AFF3: variants seen among roughly 807,000 people sequenced by gnomAD.
AFF3 encodes ALF transcription elongation factor 3.
AFF3 carries 32 observed loss-of-function variants against 129.7 expected under a neutral mutation model. That is an observed-to-expected ratio of 0.25 (90% CI 0.19 to 0.33). AFF3 has a LOEUF of 0.33. Ranked by LOEUF, AFF3 falls within the 10% of genes least tolerant of loss-of-function variation. The probability of loss-of-function intolerance (pLI) is 1.00; values close to 1 mark genes in which losing one functional copy is unlikely to be tolerated. For missense variants in AFF3, 1,373 were observed against 1,592.0 expected, an observed-to-expected ratio of 0.86 and a Z score of 2.34; for synonymous variants, 644 against 635.4, an observed-to-expected ratio of 1.01 and a Z score of -0.20.
chr2:99,738,718 T>C (rs1680458746), intron 10 of AFF3, among the ~76,000 whole-genome samples: 1 of 152,222 alleles, frequency 6.6e-6, no homozygotes, highest in Admixed American at 6.5e-5. Context: ...GAAGAGCTGA[T>C]TTATGGCTCT....
At chr2:99,908,866 C>T (rs1348089800) in intron 7 of AFF3, among the ~76,000 whole-genome samples, 1 of 152,184 alleles carries the variant, frequency 6.6e-6, no homozygotes, top group Non-Finnish European at 1.5e-5. Flanking sequence ...AACACTTTTA[C>T]ACTGTTGGTG....
chr2:99,608,393 C>T (rs989683967), intron 13 of AFF3, among the ~76,000 whole-genome samples: 1 of 152,210 alleles, frequency 6.6e-6, no homozygotes, highest in African/African-American at 2.4e-5. Flanking sequence ...GCAGCCCTTA[C>T]CACGTTAAGG....
intron 8 of AFF3, among the ~76,000 whole-genome samples, chr2:99,835,535 C>A (rs767997185): frequency 6.8e-6 from 1 of 147,704 alleles, no homozygotes; most frequent in African/African-American, 2.5e-5. Context: ...AACACTAATG[C>A]GATCCCCTAG....
chr2:99,781,850 A>G (rs191736047), intron 8 of AFF3, among the ~76,000 whole-genome samples: 1 of 152,352 alleles, frequency 6.6e-6, no homozygotes, highest in East Asian at 1.9e-4. Flanking sequence ...CAAGTATAGC[A>G]AAATATTAGA....
intron 16 of AFF3, 122 bp from the exon 17 acceptor site, chr2:99,583,121 T>C (rs944337051): frequency 2.6e-6 from 2 of 777,612 alleles, no homozygotes; most frequent in East Asian, 5.3e-5. Context: ...TTGGGAATTA[T>C]TATACCAGGA....
intron 13 of AFF3, among the ~76,000 whole-genome samples, chr2:99,634,635 T>C (rs1411371919): frequency 1.3e-5 from 2 of 152,178 alleles, no homozygotes; most frequent in African/African-American, 4.8e-5. Context: ...TCAGCTGGAA[T>C]GAAGGGGAAA....
intron 7 of AFF3, among the ~76,000 whole-genome samples, chr2:99,980,224 T>A (rs1177621639): frequency 6.6e-6 from 1 of 152,232 alleles, no homozygotes; most frequent in Non-Finnish European, 1.5e-5. Context: ...CCCCTGCTGT[T>A]CCTCGATCTC....
chr2:99,998,553 A>G (rs1168233445), intron 7 of AFF3, among the ~76,000 whole-genome samples: 2 of 152,220 alleles, frequency 1.3e-5, no homozygotes, highest in East Asian at 1.9e-4. Flanking sequence ...AGCTGAATGC[A>G]TACATTTTTC....
At chr2:99,866,128 A>G (rs1448196466) in intron 7 of AFF3, among the ~76,000 whole-genome samples, 1 of 152,230 alleles carries the variant, frequency 6.6e-6, no homozygotes, top group African/African-American at 2.4e-5. Context: ...CTGGTTGGAA[A>G]TGGAATGCAT....
rs1559095187 is a variant in AFF3, at chr2:100,059,636, A to G, written c.53+44766T>C. Among the ~76,000 whole-genome samples the G allele has an allele frequency of 4.6e-5, 7 of 152,372 alleles. No individual in the cohort carries two copies. In the South Asian group the frequency reaches 1.4e-3, roughly 32 times the overall value. On this transcript the variant is annotated intron_variant, in intron 4 of 24. Transcript: ENST00000672756. The stretch of plus-strand genomic sequence containing the variant: ...TGGTATGTGAATTATATCTGAATAT[A>G]GCCAGCGTGGTTGTTGTTTTAAAGA...
At chr2:99,682,068 G>A (rs1674588641) in intron 11 of AFF3, among the ~76,000 whole-genome samples, 1 of 151,870 alleles carries the variant, frequency 6.6e-6, no homozygotes. Flanking sequence ...CACCACACCC[G>A]GCTCATTTTT....
rs58303232 is a variant in AFF3 at position 99,724,271 on chromosome 2, C to CTTTTTTTT, written c.1091+2798_1091+2805dup. Among the ~76,000 whole-genome samples the CTTTTTTTT allele has an allele frequency of 1.3e-3, 87 of 66,854 alleles. 8 individuals are homozygous for CTTTTTTTT. Among genetic ancestry groups the CTTTTTTTT allele is most frequent in the Non-Finnish European group, 1.7e-3 (68 of 39,764 alleles). 43.9% of individuals were successfully genotyped at this position (66,854 alleles called of 152,430 possible). ...TCCTCACTTCAGTGGAATGACCTTT[C>CTTTTTTTT]TTTTTTTTTTTTTTTTTTTGAGACA... On this transcript the variant is annotated intron_variant, in intron 11 of 24. Coordinates refer to ENST00000672756, the MANE Select transcript of AFF3 (RefSeq NM_001386135.1).
intron 9 of AFF3, among the ~76,000 whole-genome samples, chr2:99,745,291 T>C (rs182198284): frequency 1.3e-5 from 2 of 152,354 alleles, no homozygotes; most frequent in African/African-American, 4.8e-5. Context: ...ACATTTATGA[T>C]TTGCAGTATT....
Position 99,732,211 on chromosome 2 carries a change from C to G in AFF3, c.1040-5083G>C, listed in dbSNP as rs2043007. Among the ~76,000 whole-genome samples the G allele has an allele frequency of 5.9e-5, 9 of 151,786 alleles. No individual in the cohort carries two copies. In the South Asian group the frequency reaches 1.2e-3, roughly 21 times the overall value. On this transcript the variant is annotated intron_variant, in intron 10 of 24. Transcript: ENST00000672756. The stretch of plus-strand genomic sequence containing the variant: ...CTACTAAAAATACAAAAAAATTAGC[C>G]AGGCGTGGTGGTGGGCGCCTGTAGT...
At chr2:100,071,352 G>A (rs1437680237) in intron 4 of AFF3, among the ~76,000 whole-genome samples, 2 of 152,126 alleles carry the variant, frequency 1.3e-5, no homozygotes, top group Non-Finnish European at 2.9e-5. Flanking sequence ...TGACAGGAGG[G>A]GTTCAAGTCT....
chr2:100,023,760 A>G (rs1322963710), intron 4 of AFF3, among the ~76,000 whole-genome samples: 5 of 152,206 alleles, frequency 3.3e-5, no homozygotes, highest in Non-Finnish European at 4.4e-5. Context: ...TGGCAATGTT[A>G]AAGTGCTCTG....
chr2:99,902,892 T>C (rs1694452797), intron 7 of AFF3, among the ~76,000 whole-genome samples: 2 of 152,178 alleles, frequency 1.3e-5, no homozygotes, highest in African/African-American at 2.4e-5. Flanking sequence ...TTAGAGTTTA[T>C]ATTCTTGTGA....
chr2:99,876,417 C>T (rs970593443), intron 7 of AFF3, among the ~76,000 whole-genome samples: 9 of 152,198 alleles, frequency 5.9e-5, no homozygotes, highest in Non-Finnish European at 1.3e-4. Context: ...ATCTGTCCCT[C>T]TCACATTCAC....
intron 8 of AFF3, among the ~76,000 whole-genome samples, chr2:99,792,547 C>T (rs933039922): frequency 1.3e-5 from 2 of 152,152 alleles, no homozygotes; most frequent in Non-Finnish European, 2.9e-5. Flanking sequence ...AAGAGTATAT[C>T]TTTGCCTTAG....
Sources: gnomAD v4.1 joint callset for allele counts (sites outside exome capture counted in the v4.1 genomes callset) on GRCh38, gnomAD v4.1.1 for gene constraint, MANE v1.5 for transcripts, NCBI Gene and HGNC (gene_info 2026-07-23, HGNC 2026-07-21) for gene names.